The following SH3BP2 variants were observed in gnomAD, a reference collection of about 807,000 sequenced individuals.
SH3BP2 encodes the protein SH3 domain binding protein 2.
In SH3BP2, 38 loss-of-function variants were observed where a neutral mutation model predicts 56.2. The observed-to-expected ratio is 0.68, with a 90% confidence interval of 0.52 to 0.89. The LOEUF (loss-of-function observed/expected upper bound fraction) is 0.89. SH3BP2 is among the 40% of genes least tolerant of loss of function. The probability of loss-of-function intolerance (pLI) is 0.00; values close to 1 mark genes in which losing one functional copy is unlikely to be tolerated. For missense variants in SH3BP2, 748 were observed against 762.6 expected, an observed-to-expected ratio of 0.98 and a Z score of 0.23; for synonymous variants, 346 against 316.7, an observed-to-expected ratio of 1.09 and a Z score of -0.98.
chr4:2,840,894 A>T lies in SH3BP2; in HGVS notation c.*7060A>T, dbSNP rs1560120347. 1 of 151,850 alleles carries T rather than the reference A, an allele frequency of 6.6e-6. No homozygotes were observed. Among genetic ancestry groups the T allele is most frequent in the Non-Finnish European group, 1.5e-5 (1 of 67,944 alleles). The allele number at this position is 151,850 out of a possible 1,614,324, so 9.4% of individuals were successfully genotyped here. A position where few individuals can be genotyped will look rare whatever the true frequency, so the allele number is the denominator to read the frequency against. ...CTTTAAGGTTTACCAATAGGATTTT[A>T]TATTTTTGTCCATTGTGGTCTTGCT... On this transcript the variant is annotated 3_prime_UTR_variant, in exon 13 of 13. Transcript: ENST00000503393.
chr4:2,827,820 T>C (rs1213375072), intron 7 of SH3BP2, 146 bp downstream of exon 7: 3 of 697,482 alleles, frequency 4.3e-6, no homozygotes, highest in African/African-American at 3.5e-5. Flanking sequence ...CCAAGTATTA[T>C]GAGGATTGGA....
At chr4:2,800,007 C>G (rs1314119711) in intron 1 of SH3BP2, among the ~76,000 whole-genome samples, 1 of 152,056 alleles carries the variant, frequency 6.6e-6, no homozygotes, top group African/African-American at 2.4e-5. Flanking sequence ...CAAGCAGTGG[C>G]CACAAGAAGA....
intron 11 of SH3BP2, among the ~76,000 whole-genome samples, chr4:2,832,686 G>A (rs1208511051): frequency 6.6e-6 from 1 of 152,236 alleles, no homozygotes; most frequent in East Asian, 1.9e-4. Flanking sequence ...ACATGGGGCA[G>A]GGGAACGCCA....
At chr4:2,818,669 G>C (rs1387536382) in intron 1 of SH3BP2, 23 of 986,014 alleles carry the variant, frequency 2.3e-5, no homozygotes, top group Non-Finnish European at 2.8e-5. Flanking sequence ...CTTCGGGCCG[G>C]GCGCGGTTGG....
intron 8 of SH3BP2, among the ~76,000 whole-genome samples, chr4:2,830,359 G>A (rs1724917374): frequency 6.6e-6 from 1 of 151,352 alleles, no homozygotes; most frequent in Non-Finnish European, 1.5e-5. Context: ...TGCTGGAAAT[G>A]CTTTGTTTTT....
chr4:2,831,518 C>T lies in SH3BP2; in HGVS notation c.1242-53C>T, dbSNP rs559618381. 2.2e-5 allele frequency: 31 copies of T among 1,395,300 alleles called. No homozygotes were observed. Among genetic ancestry groups the T allele is most frequent in the Middle Eastern group, 1.8e-4 (1 of 5,668 alleles). The allele number at this position is 1,395,300 out of a possible 1,614,324, so 86.4% of individuals were successfully genotyped here. A position where few individuals can be genotyped will look rare whatever the true frequency, so the allele number is the denominator to read the frequency against. On this transcript the variant is annotated intron_variant, in intron 8 of 12. Coordinates refer to ENST00000503393, the MANE Select transcript of SH3BP2 (RefSeq NM_001122681.2). The surrounding 1 kb of genome is among the most constrained non-coding windows in gnomAD (Gnocchi z 4.1). ...AGTGGGGAGGGGAGCAGAGGGTGGC[C>T]GCCCCGTGTCTGACAGTGAAATGGT... is the stretch of plus-strand genomic sequence containing the variant.
chr4:2,802,660 T>C (rs1399357257), intron 1 of SH3BP2, among the ~76,000 whole-genome samples: 1 of 138,430 alleles, frequency 7.2e-6, no homozygotes, highest in Non-Finnish European at 1.5e-5. Context: ...TATGTATATG[T>C]GTGTGTGTGT....
At position 2,829,550 on chromosome 4, in the gene SH3BP2, C is replaced by T. The variant is rs201983881; in HGVS notation, c.644C>T (p.Pro215Leu). ...CCCCCAGTGCCCACGCCCAGGAAGC[C>T]AGCCTTCTCTGACATGCCCCGGGCC... ...PPPPVPTPRK[P>L]AFSDMPRAHS... Residue 215 changes from proline to leucine, a missense_variant, in exon 8 of 13, where the codon CCA (proline) becomes CTA (leucine). Around this residue, in one of 3 missense-constraint regions of SH3BP2, gnomAD observed 635 missense variants for 615.0 expected, o/e 1.03. Transcript: ENST00000503393. The surrounding 1 kb of genome is among the most constrained non-coding windows in gnomAD (Gnocchi z 4.9). The T allele has an allele frequency of 3.1e-6, 5 of 1,613,654 alleles. No individual in the cohort carries two copies. The highest frequency in any genetic ancestry group is 3.4e-6 in the Non-Finnish European group (4 of 1,179,994).
At chr4:2,802,614 G>GTATGTATGTGGTGTGTGTATA (rs1560096122) in intron 1 of SH3BP2, among the ~76,000 whole-genome samples, 10 of 146,372 alleles carry the variant, frequency 6.8e-5, no homozygotes, top group Admixed American at 1.4e-4. Context: ...GTATATATGT[G>GTATGTATGTGGTGTGTGTATA]TATATATGTG....
chr4:2,840,589 T>C lies in SH3BP2; in HGVS notation c.*6755T>C, dbSNP rs1560120116. On this transcript the variant is annotated 3_prime_UTR_variant, in exon 13 of 13. Transcript: ENST00000503393. ...TTGTGCCAATATCAAGCTGTCTTCA[T>C]TATTATCAATTATGTATTGAGATCT... 1 of 152,242 alleles carries C rather than the reference T, an allele frequency of 6.6e-6. No homozygotes were observed. The highest frequency in any genetic ancestry group is 1.5e-5 in the Non-Finnish European group (1 of 68,044). 9.4% of individuals were successfully genotyped at this position (152,242 alleles called of 1,614,324 possible). A position where few individuals can be genotyped will look rare whatever the true frequency, so the allele number is the denominator to read the frequency against.
intron 12 of SH3BP2, 84 bp from the exon 13 acceptor site, chr4:2,833,613 C>G (rs1725119007): frequency 6.5e-7 from 1 of 1,536,756 alleles, no homozygotes; most frequent in African/African-American, 1.4e-5. Context: ...ATGCTGCTGC[C>G]TTGTTTTACA....
In SH3BP2 at chr4:2,829,495, G is replaced by A; in HGVS notation, c.589G>A (p.Ala197Thr). ...DSPEPGRLED[A>T]LMHPPAYPPP... ...ACCCGGGTCTCTTTGCTCTGCAGATGCCCTGATGCACCCACCGGCTTACCC... is the reference window on the plus strand; with the variant it reads ...ACCCGGGTCTCTTTGCTCTGCAGATACCCTGATGCACCCACCGGCTTACCC... Residue 197 changes from alanine (A) to threonine (T), a missense_variant and splice_region_variant, in exon 8 of 13, where the codon GCC becomes ACC. Physicochemically the swap from Ala to Thr is moderately conservative, Grantham distance 58. Coordinates refer to ENST00000503393, the MANE Select transcript of SH3BP2 (RefSeq NM_001122681.2). This position sits in a 1 kb window ranked among gnomAD's most constrained non-coding sequence, Gnocchi z 4.9. 6.2e-7 allele frequency: 1 copy of A among 1,613,548 alleles called. No homozygotes were observed.
Position 2,798,831 on chromosome 4 carries a change from C to T in SH3BP2, c.-5+5693C>T, listed in dbSNP as rs577583369. 6.6e-5 allele frequency among the ~76,000 whole-genome samples: 10 copies of T among 152,346 alleles called. No homozygotes were observed. The South Asian group carries it at 2.1e-3, about 32-fold the overall frequency. The stretch of plus-strand genomic sequence containing the variant: ...CTAGGAACACAGGTGCTGGGTGGCT[C>T]AGGTGGCTCCACCAGGCCAGGCCGT... On this transcript the variant is annotated intron_variant, in intron 1 of 12. Transcript: ENST00000503393.
rs984941142 is a variant in SH3BP2, at chr4:2,818,240, C to T, written c.-4-2374C>T. On this transcript the variant is annotated intron_variant, in intron 1 of 12. Transcript: ENST00000503393. ...CCGGCGGGCATGGCGGGCTCCGGGC[C>T]GCGGCCGCGGAGCTGGGGCCGGCGG... The T allele has an allele frequency of 3.8e-5, 38 of 988,048 alleles. No individual in the cohort carries two copies. The highest frequency in any genetic ancestry group is 1.1e-5 in the Non-Finnish European group (9 of 832,882). The allele number at this position is 988,048 out of a possible 1,614,324, so 61.2% of individuals were successfully genotyped here.
rs1037158664 is a variant in SH3BP2, at chr4:2,831,211, C to T, written c.1242-360C>T. 5.9e-5 allele frequency among the ~76,000 whole-genome samples: 9 copies of T among 152,226 alleles called. No individual in the cohort carries two copies. Among genetic ancestry groups the T allele is most frequent in the African/African-American group, 1.7e-4 (7 of 41,448 alleles). The stretch of plus-strand genomic sequence containing the variant: ...CTGCATTGTTCATCCAGTTCACGTC[C>T]ACTCCCCTGTGGCTCTGAGTGGGCT... On this transcript the variant is annotated intron_variant, in intron 8 of 12. Coordinates refer to ENST00000503393, the MANE Select transcript of SH3BP2 (RefSeq NM_001122681.2). This position sits in a 1 kb window ranked among gnomAD's most constrained non-coding sequence, Gnocchi z 4.1.
Position 2,832,377 on chromosome 4 carries a change from T to C in SH3BP2, c.1453T>C (p.Tyr485His), listed in dbSNP as rs1444193633. Residue 485 changes from tyrosine to histidine, a missense_variant, in exon 11 of 13, where the codon TAC (tyrosine) becomes CAC (histidine). Tyr to His is a moderately conservative substitution (Grantham distance 83, BLOSUM62 2). Coordinates refer to ENST00000503393, the MANE Select transcript of SH3BP2 (RefSeq NM_001122681.2). ...CCGGGGAGAGCCCCAGGATGGACTC[T>C]ACTGCATCCGGAACTCCTCTACCAA... is the stretch of plus-strand genomic sequence containing the variant. The part of the protein sequence containing the change: ...SPRGEPQDGL[Y>H]CIRNSSTKSG... 2 of 1,613,994 alleles carry C rather than the reference T, an allele frequency of 1.2e-6. No individual in the cohort carries two copies. The highest frequency in any genetic ancestry group is 1.7e-6 in the Non-Finnish European group (2 of 1,179,982).
chr4:2,811,291 G>A (rs997547323), intron 1 of SH3BP2, among the ~76,000 whole-genome samples: 6 of 152,320 alleles, frequency 3.9e-5, no homozygotes, highest in African/African-American at 1.4e-4. Flanking sequence ...GGCTGATTTC[G>A]GGGGGCCGTG....
In SH3BP2 at chr4:2,827,212, AC is replaced by A; in HGVS notation, c.429-17del. ...GGCCTGGTGCTCACCGTCCGCCCCA[AC>A]GCACCCTGCATTGCAGCGACTCCAG... On this transcript the variant is annotated splice_polypyrimidine_tract_variant and intron_variant, in intron 5 of 12. Coordinates refer to ENST00000503393, the MANE Select transcript of SH3BP2 (RefSeq NM_001122681.2). 6.2e-7 allele frequency: 1 copy of A among 1,612,504 alleles called. No individual in the cohort carries two copies. The highest frequency in any genetic ancestry group is 8.5e-7 in the Non-Finnish European group (1 of 1,178,940).
chr4:2,820,043 C>A (rs1306739334), intron 1 of SH3BP2, among the ~76,000 whole-genome samples: 2 of 152,184 alleles, frequency 1.3e-5, no homozygotes, highest in Non-Finnish European at 2.9e-5. Flanking sequence ...ACGACCACTG[C>A]TGACAACAGT....
Sources: gnomAD v4.1 joint callset for allele counts (sites outside exome capture counted in the v4.1 genomes callset) on GRCh38, gnomAD v4.1.1 for gene constraint, gnomAD v4.1.1 regional missense constraint, Gnocchi (gnomAD v3.1) non-coding constraint, MANE v1.5 for transcripts, NCBI Gene and HGNC (gene_info 2026-07-23, HGNC 2026-07-21) for gene names.